The following ZBTB48 variants were observed in gnomAD, a reference collection of about 807,000 sequenced individuals.
The protein encoded by ZBTB48 is zinc finger and BTB domain containing 48.
In ZBTB48, 35 loss-of-function variants were observed where a neutral mutation model predicts 64.5. The ratio of observed to expected loss-of-function variants is 0.54; its 90% CI spans 0.41 to 0.72. The LOEUF is 0.72. ZBTB48 is among the 30% of genes least tolerant of loss of function. ZBTB48 has a pLI of 0.00. For missense variants in ZBTB48, 828 were observed against 895.3 expected, an observed-to-expected ratio of 0.92 and a Z score of 0.96; for synonymous variants, 442 against 356.7, an observed-to-expected ratio of 1.24 and a Z score of -2.70.
At chr1:6,583,254 G>A (rs1640534700) in intron 3 of ZBTB48, among the ~76,000 whole-genome samples, 1 of 152,112 alleles carries the variant, frequency 6.6e-6, no homozygotes, top group Non-Finnish European at 1.5e-5. Flanking sequence ...CTCCCAAAGT[G>A]CTGGGATTAC....
Position 6,586,709 on chromosome 1 carries a change from T to G in ZBTB48, c.1059T>G (p.Ser353=). ...CACACTGCCAGGTCTTCACGTGCTC[T>G]GTGTGCCAGGAGACATTCCGCCGAA... ...MNRSEQVFTC[S]VCQETFRRRM... is the part of the protein sequence containing the mutation. Residue 353 remains serine (S), a synonymous_variant, in exon 5 of 11, where the codon TCT becomes TCG. Coordinates refer to ENST00000377674, the MANE Select transcript of ZBTB48 (RefSeq NM_005341.4). 6.4e-7 allele frequency: 1 copy of G among 1,563,730 alleles called. No individual in the cohort carries two copies. The highest frequency in any genetic ancestry group is 8.7e-7 in the Non-Finnish European group (1 of 1,153,434).
chr1:6,587,704 G>C, intron 7 of ZBTB48, 72 bp downstream of exon 7: 1 of 1,584,512 alleles, frequency 6.3e-7, no homozygotes, highest in Non-Finnish European at 8.6e-7. Context: ...AGGGAAGACA[G>C]AGTTTGCTGA....
intron 7 of ZBTB48, 36 bp from the exon 8 acceptor site, chr1:6,588,023 TG>T (rs1432675712): frequency 3.7e-6 from 6 of 1,612,078 alleles, no homozygotes; most frequent in African/African-American, 2.7e-5. Context: ...TCACTTCCCT[TG>T]GTGATGGCCT....
At chr1:6,583,526 C>T (rs1276845024) in intron 3 of ZBTB48, among the ~76,000 whole-genome samples, 4 of 151,346 alleles carry the variant, frequency 2.6e-5, no homozygotes, top group Non-Finnish European at 5.9e-5. Flanking sequence ...GTCTTGAACT[C>T]CTGACCTTGT....
rs2148696910 is a variant in ZBTB48, at chr1:6,588,789, A to T, written c.1715A>T (p.His572Leu). ...CAACTGCGTGTGCACGTCAGACGGC[A>T]CAAGGGGGTGAGGAAGTTTGAGTGC... ...VEQLRVHVRR[H>L]KGVRKFECTE... Residue 572 changes from histidine to leucine, a missense_variant, in exon 10 of 11, where the codon CAC becomes CTC. Transcript: ENST00000377674. 1 of 1,614,158 alleles carries T rather than the reference A, an allele frequency of 6.2e-7. No homozygotes were observed. The highest frequency in any genetic ancestry group is 2.2e-5 in the East Asian group (1 of 44,882).
At chr1:6,586,392 C>A (rs546654146) in intron 4 of ZBTB48, 5 of 512,892 alleles carry the variant, frequency 9.7e-6, no homozygotes, top group Non-Finnish European at 1.3e-5. Context: ...CAGGGCCCGC[C>A]GAAACCCAGG....
At position 6,584,010 on chromosome 1, in the gene ZBTB48, CTGACCTTG is replaced by C. The variant is rs1640571389; in HGVS notation, c.932+1715_932+1722del. 6.6e-6 allele frequency among the ~76,000 whole-genome samples: 1 copy of C among 151,994 alleles called. No homozygotes were observed. The highest frequency in any genetic ancestry group is 2.4e-5 in the African/African-American group (1 of 41,390). On this transcript the variant is annotated intron_variant, in intron 3 of 10. Transcript: ENST00000377674. This position sits in a 1 kb window ranked among gnomAD's most constrained non-coding sequence, Gnocchi z 4.5. ...TGTTGGTCAGGCTGGTTTCGAACTCCTGACCTTGTGATCCACCTGCCTCAGCCTCCCAA... is the reference window on the plus strand; with the variant it reads ...TGTTGGTCAGGCTGGTTTCGAACTCCTGATCCACCTGCCTCAGCCTCCCAA...
At position 6,580,023 on chromosome 1, in the gene ZBTB48, C is replaced by T. The variant is rs1640365006; in HGVS notation, c.-183C>T. 4.9e-6 allele frequency: 1 copy of T among 202,546 alleles called. No homozygotes were observed. Among genetic ancestry groups the T allele is most frequent in the East Asian group, 1.3e-4 (1 of 7,806 alleles). The allele number at this position is 202,546 out of a possible 1,614,324, so 12.5% of individuals were successfully genotyped here. A position where few individuals can be genotyped will look rare whatever the true frequency, so the allele number is the denominator to read the frequency against. ...TTTGACGTCACGTCCGGCGCGGAGA[C>T]GGTGGAGTCTCCGCACTGTCGGCGG... On this transcript the variant is annotated 5_prime_UTR_variant, in exon 1 of 11. In the 5' UTR this introduces an upstream ATG that the reference lacks. Coordinates refer to ENST00000377674, the MANE Select transcript of ZBTB48 (RefSeq NM_005341.4). This position sits in a 1 kb window ranked among gnomAD's most constrained non-coding sequence, Gnocchi z 5.2.
Position 6,582,286 on chromosome 1 carries a change from A to G in ZBTB48, c.919A>G (p.Lys307Glu), listed in dbSNP as rs771660973. The change falls in exon 3 of 11, where the codon AAA becomes GAA. Residue 307 changes from lysine to glutamate, a missense_variant. Lys to Glu is a moderately conservative substitution (Grantham distance 56). Coordinates refer to ENST00000377674, the MANE Select transcript of ZBTB48 (RefSeq NM_005341.4). Reference protein sequence around the residue: ...HKKFLSKYYLKVHNRKHTGEK... With the variant: ...HKKFLSKYYLEVHNRKHTGEK... ...AAAGTTCCTCAGCAAATATTATCTA[A>G]AAGTCCACAACAGGTAAACGTTCTG... The G allele has an allele frequency of 1.2e-6, 2 of 1,610,984 alleles. No individual in the cohort carries two copies. Among genetic ancestry groups the G allele is most frequent in the South Asian group, 2.2e-5 (2 of 91,018 alleles).
intron 9 of ZBTB48, 55 bp downstream of exon 9, chr1:6,588,497 C>CT: frequency 2.1e-6 from 3 of 1,462,134 alleles, no homozygotes; most frequent in South Asian, 1.4e-5. Flanking sequence ...TGGAGGGTCT[C>CT]TGAGGAGGAA....
In ZBTB48 at chr1:6,580,888, T is replaced by C; in HGVS notation, c.279T>C (p.Asp93=). 6.2e-7 allele frequency: 1 copy of C among 1,614,128 alleles called. No individual in the cohort carries two copies. The highest frequency in any genetic ancestry group is 1.7e-5 in the Admixed American group (1 of 60,032). The change falls in exon 2 of 11, where the codon GAT becomes GAC. Residue 93 remains aspartate (D), a synonymous_variant. Coordinates refer to ENST00000377674, the MANE Select transcript of ZBTB48 (RefSeq NM_005341.4). The surrounding 1 kb of genome is among the most constrained non-coding windows in gnomAD (Gnocchi z 5.2). ...TCGCTCTCACCTCAGGGAACCGGGA[T>C]CAGGTGCTCCTGGCAGCCAGGGAGT... ...GHLALTSGNR[D]QVLLAARELR...
chr1:6,587,029 T>G (rs1286312762), intron 5 of ZBTB48, 176 bp from the exon 6 acceptor site: 2 of 870,054 alleles, frequency 2.3e-6, no homozygotes, highest in Non-Finnish European at 3.8e-6. Flanking sequence ...TGGCATCCTC[T>G]GGGCAGCTGA....
chr1:6,582,034 C>T, intron 2 of ZBTB48, 24 bp from the exon 3 acceptor site: 2 of 1,607,224 alleles, frequency 1.2e-6, no homozygotes, highest in East Asian at 2.2e-5. Context: ...ACGCCACCCC[C>T]TCCTGCTGCC....
At chr1:6,588,557 T>G in intron 9 of ZBTB48, 115 bp downstream of exon 9, 2 of 1,448,982 alleles carry the variant, frequency 1.4e-6, no homozygotes, top group Non-Finnish European at 9.1e-7. Flanking sequence ...ATGGTTAGAG[T>G]TGAGAGTGGA....
intron 9 of ZBTB48, 21 bp from the exon 10 acceptor site, chr1:6,588,735 A>C: frequency 6.2e-7 from 1 of 1,613,808 alleles, no homozygotes; most frequent in Non-Finnish European, 8.5e-7. Context: ...ATGATCCCCC[A>C]CGGTGTTCTC....
At position 6,584,867 on chromosome 1, in the gene ZBTB48, C is replaced by G. The variant is rs771564884; in HGVS notation, c.933-1052C>G. On this transcript the variant is annotated intron_variant, in intron 3 of 10. Coordinates refer to ENST00000377674, the MANE Select transcript of ZBTB48 (RefSeq NM_005341.4). The surrounding 1 kb of genome is among the most constrained non-coding windows in gnomAD (Gnocchi z 4.5). ...AGCTGTCGCAGGCTGCACAGGGGCT[C>G]TGAGGTCGAGTTCGTTTAGTTCATT... Among the ~76,000 whole-genome samples, 1 of 152,124 alleles carries G rather than the reference C, an allele frequency of 6.6e-6. No individual in the cohort carries two copies. The highest frequency in any genetic ancestry group is 1.5e-5 in the Non-Finnish European group (1 of 68,026).
chr1:6,585,669 C>G (rs1333784148), intron 3 of ZBTB48: 5 of 506,878 alleles, frequency 9.9e-6, no homozygotes, highest in Admixed American at 3.2e-5. Context: ...TCAGCTGGGC[C>G]TCCCTGTCGG....
chr1:6,585,806 C>A, intron 3 of ZBTB48, 113 bp from the exon 4 acceptor site: 1 of 973,524 alleles, frequency 1.0e-6, no homozygotes, highest in South Asian at 1.4e-5. Flanking sequence ...CTTAACCAGC[C>A]GGTGTCACCT....
At chr1:6,583,288 C>G (rs760303449) in intron 3 of ZBTB48, among the ~76,000 whole-genome samples, 2 of 151,882 alleles carry the variant, frequency 1.3e-5, no homozygotes, top group Non-Finnish European at 2.9e-5. Flanking sequence ...CATGCTCAGC[C>G]TATGTTGTTT....
Sources: allele counts gnomAD v4.1 joint callset (sites outside exome capture counted in the v4.1 genomes callset), GRCh38; gene constraint gnomAD v4.1.1; non-coding constraint Gnocchi (gnomAD v3.1); transcripts MANE v1.5; gene names NCBI Gene and HGNC (gene_info 2026-07-23, HGNC 2026-07-21).